The following ZFPM2 variants were observed in gnomAD, a reference collection of about 807,000 sequenced individuals.
ZFPM2 encodes zinc finger protein ZFPM2.
ZFPM2 carries 20 observed loss-of-function variants against 98.6 expected under a neutral mutation model. The observed-to-expected ratio is 0.20, with a 90% CI of 0.14 to 0.29. ZFPM2 has a LOEUF of 0.29. ZFPM2 is among the 10% of genes least tolerant of loss of function. The pLI is 1.00. For missense variants in ZFPM2, 1,310 were observed against 1,388.6 expected (o/e 0.94, Z 0.90); for synonymous variants, 518 against 502.7 (o/e 1.03, Z -0.41).
chr8:105,764,287 G>C (rs368386498), intron 5 of ZFPM2, among the ~76,000 whole-genome samples: 27 of 139,550 alleles, frequency 1.9e-4, no homozygotes, highest in South Asian at 2.5e-4. Context: ...CTCTCTCTCT[G>C]ACACACACAC....
At chr8:105,495,577 C>T (rs1159557609) in intron 3 of ZFPM2, among the ~76,000 whole-genome samples, 1 of 152,064 alleles carries the variant, frequency 6.6e-6, no homozygotes, top group Non-Finnish European at 1.5e-5. Context: ...TATAAATATC[C>T]ATAGGTAGGA....
intron 5 of ZFPM2, among the ~76,000 whole-genome samples, chr8:105,689,860 CA>C (rs546805784): frequency 2.6e-3 from 397 of 152,270 alleles, no homozygotes; most frequent in Non-Finnish European, 4.7e-3. Flanking sequence ...GGCTTTGCTG[CA>C]GAGTTAGAAG....
intron 3 of ZFPM2, among the ~76,000 whole-genome samples, chr8:105,551,598 C>T (rs545078371): frequency 6.6e-6 from 1 of 152,120 alleles, no homozygotes; most frequent in African/African-American, 2.4e-5. Context: ...TGAAAGGTTT[C>T]AAAGTAATGC....
chr8:105,682,377 C>T (rs1435122009), intron 5 of ZFPM2, among the ~76,000 whole-genome samples: 1 of 152,138 alleles, frequency 6.6e-6, no homozygotes, highest in Non-Finnish European at 1.5e-5. Flanking sequence ...GAGGGAAGAA[C>T]AAATGCACTT....
At chr8:105,777,187 T>C (rs1255773064) in intron 5 of ZFPM2, among the ~76,000 whole-genome samples, 20 of 152,218 alleles carry the variant, frequency 1.3e-4, no homozygotes, top group Admixed American at 1.3e-3. Context: ...GGTCCCAATT[T>C]TCCAGTTCTT....
At chr8:105,460,930 C>G (rs1812693614) in intron 3 of ZFPM2, among the ~76,000 whole-genome samples, 1 of 151,790 alleles carries the variant, frequency 6.6e-6, no homozygotes, top group Admixed American at 6.6e-5. Flanking sequence ...ATATAATGCA[C>G]TTTTTTGATA....
At chr8:105,353,729 C>T (rs1420538679) in intron 1 of ZFPM2, among the ~76,000 whole-genome samples, 2 of 152,134 alleles carry the variant, frequency 1.3e-5, no homozygotes, top group African/African-American at 4.8e-5. Flanking sequence ...TGCTTCTTAT[C>T]CATCTTCATA....
intron 1 of ZFPM2, among the ~76,000 whole-genome samples, chr8:105,396,501 T>A (rs1470888993): frequency 6.6e-6 from 1 of 152,176 alleles, no homozygotes; most frequent in Middle Eastern, 3.2e-3. Flanking sequence ...GCTGTGGGAA[T>A]GAAGAACAGG....
intron 5 of ZFPM2, among the ~76,000 whole-genome samples, chr8:105,748,147 C>T (rs1669839443): frequency 6.6e-6 from 1 of 152,022 alleles, no homozygotes; most frequent in Non-Finnish European, 1.5e-5. Context: ...AGAGACCACA[C>T]ACACCTATGA....
chr8:105,466,505 T>A (rs1345190269), intron 3 of ZFPM2, among the ~76,000 whole-genome samples: 6 of 152,030 alleles, frequency 3.9e-5, no homozygotes, highest in Non-Finnish European at 7.4e-5. Context: ...AACTGAATAA[T>A]TTGGTTATTT....
intron 5 of ZFPM2, among the ~76,000 whole-genome samples, chr8:105,681,935 C>T (rs1325961146): frequency 6.6e-6 from 1 of 152,104 alleles, no homozygotes; most frequent in Non-Finnish European, 1.5e-5. Flanking sequence ...GAGGCCTTCT[C>T]AGTCACTGCT....
At chr8:105,688,434 TAAC>T (rs1381723430) in intron 5 of ZFPM2, among the ~76,000 whole-genome samples, 2 of 152,176 alleles carry the variant, frequency 1.3e-5, no homozygotes, top group East Asian at 1.9e-4. Flanking sequence ...AAATAAAAAA[TAAC>T]AAAAATTATT....
intron 5 of ZFPM2, among the ~76,000 whole-genome samples, chr8:105,700,838 G>T (rs1326538533): frequency 6.6e-6 from 1 of 152,110 alleles, no homozygotes; most frequent in Non-Finnish European, 1.5e-5. Context: ...TCATGATCCA[G>T]CCACCGCCTC....
chr8:105,521,905 A>AG (rs1281092305), intron 3 of ZFPM2, among the ~76,000 whole-genome samples: 1 of 152,192 alleles, frequency 6.6e-6, no homozygotes, highest in Non-Finnish European at 1.5e-5. Context: ...CAGGAAAAAA[A>AG]TAAGGAAGAA....
At chr8:105,483,034 C>CCTTCCTTCCTTCCTTCCTTG (rs1333764649) in intron 3 of ZFPM2, among the ~76,000 whole-genome samples, 1 of 132,474 alleles carries the variant, frequency 7.5e-6, no homozygotes, top group Non-Finnish European at 1.6e-5. Flanking sequence ...TTCCTTCCTT[C>CCTTCCTTCCTTCCTTCCTTG]CTTCTTTATT....
chr8:105,510,378 C>T (rs1813791296), intron 3 of ZFPM2, among the ~76,000 whole-genome samples: 1 of 148,316 alleles, frequency 6.7e-6, no homozygotes, highest in Non-Finnish European at 1.5e-5. Context: ...TTAGAAATAT[C>T]AGGGCAGGGG....
intron 1 of ZFPM2, among the ~76,000 whole-genome samples, chr8:105,363,922 G>T (rs1384867557): frequency 6.6e-6 from 1 of 152,066 alleles, no homozygotes; most frequent in Non-Finnish European, 1.5e-5. Flanking sequence ...ATATTTCTCA[G>T]TATGTGGTTT....
intron 5 of ZFPM2, among the ~76,000 whole-genome samples, chr8:105,710,397 A>G (rs1811356023): frequency 6.6e-6 from 1 of 152,174 alleles, no homozygotes; most frequent in African/African-American, 2.4e-5. Flanking sequence ...TAATAAGCAT[A>G]TCACTTCTGC....
chr8:105,582,206 G>A (rs1181958131), intron 4 of ZFPM2, among the ~76,000 whole-genome samples: 1 of 152,182 alleles, frequency 6.6e-6, no homozygotes, highest in Non-Finnish European at 1.5e-5. Context: ...TTTTAGGTAG[G>A]TGACCTACCC....
Sources: gnomAD v4.1 joint callset for allele counts (sites outside exome capture counted in the v4.1 genomes callset) on GRCh38, gnomAD v4.1.1 for gene constraint, MANE v1.5 for transcripts, NCBI Gene and HGNC (gene_info 2026-07-23, HGNC 2026-07-21) for gene names.